Variants in SCARA5 observed in about 807,000 individuals in gnomAD.
SCARA5 encodes scavenger receptor class A, member 5 (putative).
SCARA5 carries 45 observed loss-of-function variants against 46.3 expected under a neutral mutation model. The ratio of observed to expected loss-of-function variants is 0.97; its 90% CI spans 0.76 to 1.24. SCARA5 has a LOEUF of 1.24. Ranked by LOEUF, SCARA5 falls within the 50% of genes most tolerant of loss-of-function variation. The probability of loss-of-function intolerance (pLI) is 0.00; values close to 1 mark genes in which losing one functional copy is unlikely to be tolerated. For synonymous variants in SCARA5, 333 were observed against 306.5 expected (o/e 1.09, Z -0.90); for missense variants, 680 against 689.0 (o/e 0.99, Z 0.15).
At chr8:27,975,667 T>C (rs1032222730) in intron 2 of SCARA5, among the ~76,000 whole-genome samples, 1 of 152,164 alleles carries the variant, frequency 6.6e-6, no homozygotes, top group African/African-American at 2.4e-5. Flanking sequence ...CATTCTGTGA[T>C]GAGTGAGCGA....
intron 8 of SCARA5, among the ~76,000 whole-genome samples, chr8:27,873,459 T>C (rs1255960287): frequency 6.6e-6 from 1 of 152,108 alleles, no homozygotes; most frequent in African/African-American, 2.4e-5. Context: ...GAAGTAAAAA[T>C]GGCCGGTTCC....
At chr8:27,991,167 C>G (rs991604716) in intron 1 of SCARA5, among the ~76,000 whole-genome samples, 4 of 152,198 alleles carry the variant, frequency 2.6e-5, no homozygotes, top group African/African-American at 9.7e-5. Flanking sequence ...AATTACCTGA[C>G]CTCATTCAGC....
chr8:27,954,400 C>G (rs1349394885), intron 3 of SCARA5, among the ~76,000 whole-genome samples: 1 of 152,218 alleles, frequency 6.6e-6, no homozygotes, highest in Non-Finnish European at 1.5e-5. Flanking sequence ...TTTCATTTCT[C>G]TAAATTCCCC....
Position 27,970,409 on chromosome 8 carries a change from G to A in SCARA5, c.113-3867C>T, listed in dbSNP as rs969459751. On this transcript the variant is annotated intron_variant, in intron 2 of 8. Coordinates refer to ENST00000354914, the MANE Select transcript of SCARA5 (RefSeq NM_173833.6). ...TCATAAGACACACCCACCCACCAAAGTGCCATGTTGTTTACCATTGCCATG... is the reference window on the plus strand; with the variant it reads ...TCATAAGACACACCCACCCACCAAAATGCCATGTTGTTTACCATTGCCATG... Among the ~76,000 whole-genome samples the A allele has an allele frequency of 4.6e-5, 7 of 152,272 alleles. No homozygotes were observed. The East Asian group carries it at 1.2e-3, about 25-fold the overall frequency.
intron 7 of SCARA5, 119 bp from the exon 8 acceptor site, chr8:27,879,885 T>C (rs1806784738): frequency 2.2e-6 from 2 of 909,196 alleles, no homozygotes; most frequent in South Asian, 3.2e-5. Context: ...GGCCCAGCTG[T>C]ATCAAGACTT....
At chr8:27,897,070 C>A (rs539504077) in intron 7 of SCARA5, among the ~76,000 whole-genome samples, 1 of 149,598 alleles carries the variant, frequency 6.7e-6, no homozygotes, top group Admixed American at 6.7e-5. Context: ...CCAGGCTGGG[C>A]GACAGAGTGA....
chr8:27,927,851 A>G (rs1563529085), intron 3 of SCARA5, among the ~76,000 whole-genome samples: 1 of 152,226 alleles, frequency 6.6e-6, no homozygotes, highest in Non-Finnish European at 1.5e-5. Context: ...GTTCAGTGCA[A>G]TCTCACTGCA....
chr8:27,926,431 A>G (rs1807681300), intron 3 of SCARA5, among the ~76,000 whole-genome samples: 1 of 149,096 alleles, frequency 6.7e-6, no homozygotes. Flanking sequence ...GGAACATCAC[A>G]CACCGGGGCC....
intron 1 of SCARA5, among the ~76,000 whole-genome samples, chr8:27,989,519 A>G (rs1367273736): frequency 6.6e-6 from 1 of 152,130 alleles, no homozygotes; most frequent in Non-Finnish European, 1.5e-5. Context: ...CACTGTATAC[A>G]TGTCCTTCTA....
At chr8:27,959,450 T>C (rs948787438) in intron 3 of SCARA5, among the ~76,000 whole-genome samples, 3 of 152,132 alleles carry the variant, frequency 2.0e-5, no homozygotes, top group Non-Finnish European at 2.9e-5. Context: ...TGGCACATGA[T>C]GGTAGGCAGT....
At position 27,921,635 on chromosome 8, in the gene SCARA5, G is replaced by A. The variant is rs1185099224; in HGVS notation, c.852C>T (p.Thr284=). 2 of 1,603,336 alleles carry A rather than the reference G, an allele frequency of 1.2e-6. No individual in the cohort carries two copies. Among genetic ancestry groups the A allele is most frequent in the Non-Finnish European group, 1.7e-6 (2 of 1,174,070 alleles). Residue 284 remains threonine (T), a synonymous_variant, in exon 4 of 9, where the codon ACC becomes ACT. Transcript: ENST00000354914. ...CCCAGTCCTTGAGGCGCAGGTCCTC[G>A]GTGACCGCGTTGAGCATGGCCAGCT... The part of the protein sequence containing the change: ...KQELAMLNAV[T]EDLRLKDWEH...
At position 27,932,563 on chromosome 8, in the gene SCARA5, G is replaced by T. The variant is rs1253415846; in HGVS notation, c.242-10318C>A. ...GTGTCTCCTGAGGCCTCTCCTCCTGGCTCGCAGGACACCTTCTTGCTGTAT... is the reference window on the plus strand; with the variant it reads ...GTGTCTCCTGAGGCCTCTCCTCCTGTCTCGCAGGACACCTTCTTGCTGTAT... On this transcript the variant is annotated intron_variant, in intron 3 of 8. Transcript: ENST00000354914. Among the ~76,000 whole-genome samples the T allele has an allele frequency of 3.3e-5, 5 of 152,124 alleles. No individual in the cohort carries two copies. In the East Asian group the frequency reaches 9.6e-4, roughly 29 times the overall value.
chr8:27,936,592 TAAAA>T (rs71222526), intron 3 of SCARA5, among the ~76,000 whole-genome samples: 2 of 31,314 alleles, frequency 6.4e-5, no homozygotes, highest in East Asian at 1.7e-3. Context: ...GTGTCTCCAT[TAAAA>T]AAAAAAAAAA....
chr8:27,966,436 A>G lies in SCARA5; in HGVS notation c.219T>C (p.Leu73=), dbSNP rs1230775127. 2 of 1,611,882 alleles carry G rather than the reference A, an allele frequency of 1.2e-6. No homozygotes were observed. The highest frequency in any genetic ancestry group is 1.7e-6 in the Non-Finnish European group (2 of 1,179,444). Residue 73 remains leucine (L), a synonymous_variant, in exon 3 of 9, where the codon CTT becomes CTC. Coordinates refer to ENST00000354914, the MANE Select transcript of SCARA5 (RefSeq NM_173833.6). ...TACCTGCTAAGATGAAGATGCCCAC[A>G]AGAATCAGGAAGACCAGCAGGTAGA... is the stretch of plus-strand genomic sequence containing the variant. ...LGLYLLVFLI[L]VGIFILAVSR... is the part of the protein sequence containing the mutation.
intron 3 of SCARA5, among the ~76,000 whole-genome samples, chr8:27,955,773 A>AT (rs1281344515): frequency 6.6e-6 from 1 of 152,174 alleles, no homozygotes; most frequent in Non-Finnish European, 1.5e-5. Context: ...CTTATCTAAA[A>AT]TTCAAGTTAC....
chr8:27,923,472 G>A (rs1807632352), intron 3 of SCARA5, among the ~76,000 whole-genome samples: 1 of 152,188 alleles, frequency 6.6e-6, no homozygotes, highest in Non-Finnish European at 1.5e-5. Flanking sequence ...GTCCATGATT[G>A]GACAGACACA....
At chr8:27,934,565 A>G (rs1048881735) in intron 3 of SCARA5, among the ~76,000 whole-genome samples, 1 of 152,164 alleles carries the variant, frequency 6.6e-6, no homozygotes, top group African/African-American at 2.4e-5. Flanking sequence ...CCATGATTGG[A>G]CAGACACACT....
At chr8:27,936,921 T>C (rs2129859795) in intron 3 of SCARA5, among the ~76,000 whole-genome samples, 1 of 152,326 alleles carries the variant, frequency 6.6e-6, no homozygotes, top group South Asian at 2.1e-4. Flanking sequence ...ACCTTACTGC[T>C]GTTTACTGTG....
intron 3 of SCARA5, among the ~76,000 whole-genome samples, chr8:27,961,365 T>C (rs111280900): frequency 0.019 from 2,945 of 152,264 alleles, 88 homozygotes; most frequent in African/African-American, 0.067. Flanking sequence ...TCTTGCCACA[T>C]GACGTGCCTA....
Sources: allele counts gnomAD v4.1 joint callset (sites outside exome capture counted in the v4.1 genomes callset), GRCh38; gene constraint gnomAD v4.1.1; transcripts MANE v1.5; gene names NCBI Gene and HGNC (gene_info 2026-07-23, HGNC 2026-07-21).